ITGA4: variants seen among roughly 807,000 people sequenced by gnomAD.
The protein encoded by ITGA4 is integrin subunit alpha 4.
ITGA4 carries 63 observed loss-of-function variants against 133.6 expected under a neutral mutation model. The ratio of observed to expected loss-of-function variants is 0.47; its 90% confidence interval spans 0.38 to 0.58. ITGA4 has a LOEUF of 0.58. ITGA4 is among the 20% of genes least tolerant of loss of function. ITGA4 has a pLI of 0.00. For missense variants in ITGA4, 1,076 were observed against 1,252.7 expected, an observed-to-expected ratio of 0.86 and a Z score of 2.13; for synonymous variants, 483 against 438.0, an observed-to-expected ratio of 1.10 and a Z score of -1.28.
In ITGA4 at chr2:181,480,149, A is replaced by T. The variant is rs1184289724; in HGVS notation, c.637A>T (p.Met213Leu). 1 of 1,547,516 alleles carries T rather than the reference A, an allele frequency of 6.5e-7. No individual in the cohort carries two copies. The highest frequency in any genetic ancestry group is 8.7e-7 in the Non-Finnish European group (1 of 1,152,638). Residue 213 changes from methionine to leucine, a missense_variant, in exon 6 of 28, where the codon ATG becomes TTG. This residue lies in a region of ITGA4 where 436 missense variants were observed against 590.7 expected (regional missense o/e 0.74). Transcript: ENST00000397033. ...SSFYTKDLIV[M>L]GAPGSSYWTG... is the part of the protein sequence containing the mutation. ...TTTTTTCTTACAGGATTTAATTGTGATGGGGGCCCCAGGATCATCTTACTG... is the reference window on the plus strand; with the variant it reads ...TTTTTTCTTACAGGATTTAATTGTGTTGGGGGCCCCAGGATCATCTTACTG...
chr2:181,464,180 T>C (rs558554614), intron 2 of ITGA4, among the ~76,000 whole-genome samples: 102 of 152,144 alleles, frequency 6.7e-4, no homozygotes, highest in African/African-American at 2.4e-3. Flanking sequence ...GAGAGTGTTT[T>C]GAGAAGAGGT....
chr2:181,475,950 CAT>C (rs1454173957), intron 4 of ITGA4: 11 of 1,370,284 alleles, frequency 8.0e-6, no homozygotes, highest in East Asian at 5.4e-5. Flanking sequence ...AGCTAAGAAA[CAT>C]ATGAATGCAA....
chr2:181,537,105 T>C lies in ITGA4; in HGVS notation c.*1578T>C. ...AGTGTGTATACACAGGAATAAACTT[T>C]ATGACATTTATGTATTTTTAAAAAA... On this transcript the variant is annotated 3_prime_UTR_variant, in exon 28 of 28. Transcript: ENST00000397033. 1 of 452,652 alleles carries C rather than the reference T, an allele frequency of 2.2e-6. No individual in the cohort carries two copies. Among genetic ancestry groups the C allele is most frequent in the Non-Finnish European group, 4.4e-6 (1 of 226,352 alleles). 28.0% of individuals were successfully genotyped at this position (452,652 alleles called of 1,614,324 possible).
chr2:181,524,388 A>G (rs1047237477), intron 20 of ITGA4, 138 bp downstream of exon 20: 5 of 533,962 alleles, frequency 9.4e-6, no homozygotes, highest in Non-Finnish European at 1.3e-5. Context: ...TAAAAGAACC[A>G]AACAACATAG....
chr2:181,470,983 G>A (rs554775643), intron 2 of ITGA4, among the ~76,000 whole-genome samples: 61 of 151,354 alleles, frequency 4.0e-4, no homozygotes, highest in African/African-American at 1.5e-3. Context: ...ACCAGTACTT[G>A]AAAGTTACCT....
At chr2:181,519,230 C>T (rs747011508) in intron 17 of ITGA4, among the ~76,000 whole-genome samples, 66 of 151,988 alleles carry the variant, frequency 4.3e-4, no homozygotes, top group Admixed American at 9.8e-4. Context: ...TCAAAGATTA[C>T]ATTACATTTA....
intron 2 of ITGA4, among the ~76,000 whole-genome samples, chr2:181,465,127 G>C (rs1685380529): frequency 1.3e-5 from 2 of 152,130 alleles, no homozygotes; most frequent in African/African-American, 4.8e-5. Flanking sequence ...TGCACCATCT[G>C]TTTGTGAATC....
chr2:181,527,607 A>G (rs1024265890), intron 22 of ITGA4, among the ~76,000 whole-genome samples: 2 of 152,164 alleles, frequency 1.3e-5, no homozygotes, highest in Non-Finnish European at 2.9e-5. Context: ...TCCTTACAGG[A>G]CAGGTGAGAA....
intron 5 of ITGA4, 130 bp from the exon 6 acceptor site, chr2:181,480,007 C>A: frequency 1.9e-6 from 1 of 521,758 alleles, no homozygotes; most frequent in Non-Finnish European, 3.0e-6. Context: ...TATGTTTTAA[C>A]TTCACAGAAT....
Position 181,494,751 on chromosome 2 carries a change from G to A in ITGA4, c.1278G>A (p.Ser426=), listed in dbSNP as rs201581651. ...TTGAAGGACTTCAGATCAGCAAATC[G>A]TTAAGTATGTTTGGACAGTCTATAT... ...QRIEGLQISK[S]LSMFGQSISG... is the part of the protein sequence containing the mutation. Residue 426 remains serine (S), a synonymous_variant, in exon 12 of 28, where the codon TCG becomes TCA. Coordinates refer to ENST00000397033, the MANE Select transcript of ITGA4 (RefSeq NM_000885.6). 1.3e-5 allele frequency: 21 copies of A among 1,603,760 alleles called. No homozygotes were observed. Among genetic ancestry groups the A allele is most frequent in the Admixed American group, 5.0e-5 (3 of 59,974 alleles).
At chr2:181,483,329 G>C (rs527569905) in intron 9 of ITGA4, among the ~76,000 whole-genome samples, 3 of 152,230 alleles carry the variant, frequency 2.0e-5, no homozygotes, top group Non-Finnish European at 4.4e-5. Flanking sequence ...GATTCTTGGC[G>C]TTAAGTCAAA....
intron 16 of ITGA4, among the ~76,000 whole-genome samples, chr2:181,511,465 G>C (rs1403192870): frequency 1.3e-5 from 2 of 151,812 alleles, no homozygotes; most frequent in East Asian, 3.9e-4. Flanking sequence ...TAGAAAATTT[G>C]GGCTTTAAAT....
intron 26 of ITGA4, 51 bp downstream of exon 26, chr2:181,534,421 C>A (rs1474539952): frequency 9.2e-7 from 1 of 1,085,504 alleles, no homozygotes; most frequent in Non-Finnish European, 1.4e-6. Context: ...AAACACATTT[C>A]AAGGGTGTCT....
At chr2:181,530,502 C>A (rs940853284) in intron 23 of ITGA4, 22 bp from the exon 24 acceptor site, 3 of 1,597,556 alleles carry the variant, frequency 1.9e-6, no homozygotes, top group African/African-American at 1.3e-5. Flanking sequence ...GATAAGATTT[C>A]TCTTGCTTTC....
chr2:181,487,841 T>A (rs10172410), intron 10 of ITGA4, among the ~76,000 whole-genome samples: 2 of 151,936 alleles, frequency 1.3e-5, no homozygotes, highest in South Asian at 4.1e-4. Context: ...CCTTATTTCG[T>A]GGCAAGTTTA....
Position 181,538,329 on chromosome 2 carries a change from A to AAATACAAATTGAT in ITGA4, c.*2805_*2817dup. ...AAGTATGGTACACAATGCCAATGCC[A>AAATACAAATTGAT]AATACAAATTGATAACAAACACAGC... On this transcript the variant is annotated 3_prime_UTR_variant, in exon 28 of 28. Coordinates refer to ENST00000397033, the MANE Select transcript of ITGA4 (RefSeq NM_000885.6). 3.9e-6 allele frequency: 3 copies of AAATACAAATTGAT among 761,418 alleles called. No homozygotes were observed. The highest frequency in any genetic ancestry group is 1.6e-5 in the South Asian group (1 of 64,404). The allele number at this position is 761,418 out of a possible 1,614,324, so 47.2% of individuals were successfully genotyped here.
rs767499 is a variant in ITGA4 at position 181,525,400 on chromosome 2, A to G, written c.2339+109A>G. 4,092 of 596,838 alleles carry G rather than the reference A, an allele frequency of 6.9e-3. 111 individuals carry two copies. Among genetic ancestry groups the G allele is most frequent in the African/African-American group, 0.064 (3,430 of 53,938 alleles). The allele number at this position is 596,838 out of a possible 1,614,324, so 37.0% of individuals were successfully genotyped here. Reference sequence around the variant, plus strand: ...CTAGAATTTTTTTAAAATAAAAAGGATACTCTATCTTTTAATAATTACCTC... The same window carrying G: ...CTAGAATTTTTTTAAAATAAAAAGGGTACTCTATCTTTTAATAATTACCTC... On this transcript the variant is annotated intron_variant, in intron 21 of 27. Coordinates refer to ENST00000397033, the MANE Select transcript of ITGA4 (RefSeq NM_000885.6).
In ITGA4 at chr2:181,458,287, C is replaced by T. The variant is rs200780305; in HGVS notation, c.289C>T (p.Pro97Ser). The T allele has an allele frequency of 2.5e-6, 4 of 1,612,524 alleles. No homozygotes were observed. Among genetic ancestry groups the T allele is most frequent in the Non-Finnish European group, 3.4e-6 (4 of 1,179,328 alleles). ...TTACAGATGCAGGATCGGAAAGAAT[C>T]CCGGCCAGACGTGCGAACAGCTCCA... The part of the protein sequence containing the change: ...AIYRCRIGKN[P>S]GQTCEQLQLG... The change falls in exon 2 of 28, where the codon CCC becomes TCC. Residue 97 changes from proline (P) to serine (S), a missense_variant. Physicochemically the swap from Pro to Ser is moderately conservative, Grantham distance 74. Transcript: ENST00000397033.
chr2:181,490,290 C>T (rs527991074), intron 10 of ITGA4, among the ~76,000 whole-genome samples: 1 of 152,022 alleles, frequency 6.6e-6, no homozygotes, highest in South Asian at 2.1e-4. Flanking sequence ...GAGGGGTGGT[C>T]TCCTCCTTTA....
Sources: allele counts gnomAD v4.1 joint callset (sites outside exome capture counted in the v4.1 genomes callset), GRCh38; gene constraint gnomAD v4.1.1; regional missense constraint gnomAD v4.1.1; transcripts MANE v1.5; gene names NCBI Gene and HGNC (gene_info 2026-07-23, HGNC 2026-07-21).